DPP9: variants seen among roughly 807,000 people sequenced by gnomAD.
DPP9 encodes dipeptidyl peptidase IV-related protein-2.
A neutral mutation model predicts 110.7 loss-of-function variants in DPP9; 50 were observed. That is an observed-to-expected ratio of 0.45 (90% CI 0.36 to 0.57). DPP9 has a LOEUF of 0.57. Ranked by LOEUF, DPP9 falls within the 20% of genes least tolerant of loss-of-function variation. The pLI, the probability that DPP9 is intolerant of heterozygous loss-of-function variation, is 0.00. For missense variants in DPP9, 1,022 were observed against 1,217.9 expected (o/e 0.84, Z 2.39); for synonymous variants, 561 against 514.4 (o/e 1.09, Z -1.23).
In DPP9 at chr19:4,685,553, G is replaced by T; in HGVS notation, c.2031+73C>A. ...TCCTCTGGTTGACTGTTCTACAGCTGGCACTTGAGTGGGGATGGGGAGTCC... is the reference window on the plus strand; with the variant it reads ...TCCTCTGGTTGACTGTTCTACAGCTTGCACTTGAGTGGGGATGGGGAGTCC... On this transcript the variant is annotated intron_variant, in intron 17 of 21. Coordinates refer to ENST00000262960, the MANE Select transcript of DPP9 (RefSeq NM_139159.5). The surrounding 1 kb of genome is among the most constrained non-coding windows in gnomAD (Gnocchi z 5.8). 1 of 1,458,642 alleles carries T rather than the reference G, an allele frequency of 6.9e-7. No individual in the cohort carries two copies. Among genetic ancestry groups the T allele is most frequent in the Middle Eastern group, 1.7e-4 (1 of 5,824 alleles). The allele number at this position is 1,458,642 out of a possible 1,614,324, so 90.4% of individuals were successfully genotyped here.
Position 4,704,418 on chromosome 19 carries a change from G to A in DPP9, c.427-114C>T. On this transcript the variant is annotated intron_variant, in intron 5 of 21. Coordinates refer to ENST00000262960, the MANE Select transcript of DPP9 (RefSeq NM_139159.5). The surrounding 1 kb of genome is among the most constrained non-coding windows in gnomAD (Gnocchi z 6.0). ...CCCAGGGAATCTGACTTCGGGCCTC[G>A]CCAGAGAGAACTTCCTGTACTGGGC... is the stretch of plus-strand genomic sequence containing the variant. The A allele has an allele frequency of 2.3e-6, 3 of 1,303,156 alleles. No individual in the cohort carries two copies. Among genetic ancestry groups the A allele is most frequent in the Non-Finnish European group, 3.2e-6 (3 of 944,226 alleles). The allele number at this position is 1,303,156 out of a possible 1,614,324, so 80.7% of individuals were successfully genotyped here. A position where few individuals can be genotyped will look rare whatever the true frequency, so the allele number is the denominator to read the frequency against.
rs1197320651 is a variant in DPP9, at chr19:4,718,401, C to T, written c.56+1450G>A. On this transcript the variant is annotated intron_variant, in intron 3 of 21. Transcript: ENST00000262960. The surrounding 1 kb of genome is among the most constrained non-coding windows in gnomAD (Gnocchi z 4.3). The stretch of plus-strand genomic sequence containing the variant: ...AAGGCAGAAAGAAAGGTGGGAGCCC[C>T]TGGCTGGCGTGGGGCAAGGGGCGTA... 6.6e-6 allele frequency among the ~76,000 whole-genome samples: 1 copy of T among 152,194 alleles called. No homozygotes were observed. Among genetic ancestry groups the T allele is most frequent in the East Asian group, 1.9e-4 (1 of 5,194 alleles).
chr19:4,683,298 G>A, intron 19 of DPP9, 179 bp downstream of exon 19: 1 of 1,442,952 alleles, frequency 6.9e-7, no homozygotes, highest in Non-Finnish European at 9.1e-7. Context: ...CGGGCAATGA[G>A]GAGGGGGGCT....
Position 4,685,929 on chromosome 19 carries a change from T to G in DPP9, c.1886-158A>C. ...GATAATTGAAAAAAACGTTTTTTTTTCATTAAATAAGATTTGTACAGTTTT... is the reference window on the plus strand; with the variant it reads ...GATAATTGAAAAAAACGTTTTTTTTGCATTAAATAAGATTTGTACAGTTTT... On this transcript the variant is annotated intron_variant, in intron 16 of 21. Coordinates refer to ENST00000262960, the MANE Select transcript of DPP9 (RefSeq NM_139159.5). This position sits in a 1 kb window ranked among gnomAD's most constrained non-coding sequence, Gnocchi z 5.8. 1.3e-6 allele frequency: 1 copy of G among 793,932 alleles called. No homozygotes were observed. Among genetic ancestry groups the G allele is most frequent in the Non-Finnish European group, 1.9e-6 (1 of 519,558 alleles). The allele number at this position is 793,932 out of a possible 1,614,324, so 49.2% of individuals were successfully genotyped here. A position where few individuals can be genotyped will look rare whatever the true frequency, so the allele number is the denominator to read the frequency against.
chr19:4,688,946 C>T (rs2091053128), intron 15 of DPP9, 54 bp from the exon 16 acceptor site: 1 of 1,489,304 alleles, frequency 6.7e-7, no homozygotes. Context: ...GCCCTTTCCA[C>T]TGGGTGCCGA....
intron 20 of DPP9, among the ~76,000 whole-genome samples, chr19:4,680,530 G>A (rs1345405574): frequency 6.6e-6 from 1 of 151,936 alleles, no homozygotes; most frequent in Non-Finnish European, 1.5e-5. Flanking sequence ...TGGGCAACAT[G>A]GCAAAACCTC....
rs1166305416 is a variant in DPP9 at position 4,682,516 on chromosome 19, G to A, written c.2474+180C>T. 6.6e-6 allele frequency among the ~76,000 whole-genome samples: 1 copy of A among 152,176 alleles called. No individual in the cohort carries two copies. The highest frequency in any genetic ancestry group is 1.5e-5 in the Non-Finnish European group (1 of 68,014). ...CAGTGAGGAGGGAGGGTGGGCTGGA[G>A]GGGACTGTGAGGCACATGCAGGCAG... is the stretch of plus-strand genomic sequence containing the variant. On this transcript the variant is annotated intron_variant, in intron 20 of 21. Transcript: ENST00000262960. The surrounding 1 kb of genome is among the most constrained non-coding windows in gnomAD (Gnocchi z 7.1).
At chr19:4,691,291 T>C (rs1476519449) in intron 13 of DPP9, among the ~76,000 whole-genome samples, 2 of 151,416 alleles carry the variant, frequency 1.3e-5, no homozygotes, top group Admixed American at 1.3e-4. Flanking sequence ...CCGGGCAACA[T>C]AGGGAGACCC....
In DPP9 at chr19:4,684,829, A is replaced by G. The variant is rs373531086; in HGVS notation, c.2032-20T>C. The G allele has an allele frequency of 2.3e-5, 37 of 1,581,782 alleles. No individual in the cohort carries two copies. The highest frequency in any genetic ancestry group is 2.9e-5 in the Non-Finnish European group (34 of 1,164,916). ...CTGCACCTGTGGGGAGGTGAGGGCC[A>G]GCAGTCCAGCACGAGATGCCGGGCA... On this transcript the variant is annotated intron_variant, in intron 17 of 21. Transcript: ENST00000262960. The surrounding 1 kb of genome is among the most constrained non-coding windows in gnomAD (Gnocchi z 4.8).
Position 4,693,138 on chromosome 19 carries a change from C to T in DPP9, c.1516+1523G>A, listed in dbSNP as rs1461465296. On this transcript the variant is annotated intron_variant, in intron 13 of 21. Coordinates refer to ENST00000262960, the MANE Select transcript of DPP9 (RefSeq NM_139159.5). This position sits in a 1 kb window ranked among gnomAD's most constrained non-coding sequence, Gnocchi z 5.0. ...TGTGGTTGTCACAACTGGAGGTGCT[C>T]CTGGCATGGAGTGGGTGGAGGCCAG... 6.6e-6 allele frequency among the ~76,000 whole-genome samples: 1 copy of T among 152,148 alleles called. No individual in the cohort carries two copies. Among genetic ancestry groups the T allele is most frequent in the Non-Finnish European group, 1.5e-5 (1 of 67,998 alleles).
chr19:4,700,694 C>T lies in DPP9; in HGVS notation c.1013-417G>A, dbSNP rs2092188635. 6.6e-6 allele frequency among the ~76,000 whole-genome samples: 1 copy of T among 152,152 alleles called. No individual in the cohort carries two copies. The highest frequency in any genetic ancestry group is 2.1e-4 in the South Asian group (1 of 4,830). The stretch of plus-strand genomic sequence containing the variant: ...TGACAACGTGACAAGTGGGGTGTGT[C>T]CCATGCAAAACCAGGGAGCCCGTGT... On this transcript the variant is annotated intron_variant, in intron 9 of 21. Coordinates refer to ENST00000262960, the MANE Select transcript of DPP9 (RefSeq NM_139159.5). This position sits in a 1 kb window ranked among gnomAD's most constrained non-coding sequence, Gnocchi z 4.3.
chr19:4,719,845 C>T lies in DPP9; in HGVS notation c.56+6G>A. The T allele has an allele frequency of 6.4e-7, 1 of 1,551,798 alleles. No homozygotes were observed. The highest frequency in any genetic ancestry group is 1.4e-5 in the African/African-American group (1 of 73,192). ...CACGGATCAGGGCCTCCGAGGCCAA[C>T]CTCACCTTCTCCAACTTCCGGTGTT... is the stretch of plus-strand genomic sequence containing the variant. On this transcript the variant is annotated splice_donor_region_variant and intron_variant, in intron 3 of 21. Coordinates refer to ENST00000262960, the MANE Select transcript of DPP9 (RefSeq NM_139159.5).
intron 2 of DPP9, among the ~76,000 whole-genome samples, chr19:4,721,293 T>A (rs1307212149): frequency 3.9e-5 from 6 of 152,338 alleles, no homozygotes; most frequent in African/African-American, 1.2e-4. Flanking sequence ...GCAGGCCACA[T>A]CTATCCTGGT....
chr19:4,681,297 G>T (rs1461621646), intron 20 of DPP9, among the ~76,000 whole-genome samples: 1 of 152,122 alleles, frequency 6.6e-6, no homozygotes, highest in East Asian at 1.9e-4. Context: ...TGACTGTTAG[G>T]TTCTGTGAAT....
chr19:4,691,717 G>A (rs915990041), intron 13 of DPP9, among the ~76,000 whole-genome samples: 5 of 134,746 alleles, frequency 3.7e-5, no homozygotes, highest in East Asian at 2.2e-4. Context: ...TGCTCTTGTC[G>A]CCCAGGCTGG....
chr19:4,701,105 G>A (rs867799696), intron 9 of DPP9, among the ~76,000 whole-genome samples: 8 of 152,140 alleles, frequency 5.3e-5, no homozygotes, highest in Non-Finnish European at 7.3e-5. Flanking sequence ...AGGCCTGAAC[G>A]CGGAATCTGG....
At chr19:4,677,080 T>A (rs989673089) in intron 21 of DPP9, among the ~76,000 whole-genome samples, 1 of 152,160 alleles carries the variant, frequency 6.6e-6, no homozygotes. Flanking sequence ...GGCATGTGAC[T>A]AGCTCTGGGC....
rs765536850 is a variant in DPP9 at position 4,704,205 on chromosome 19, C to T, written c.526G>A (p.Glu176Lys). The change falls in exon 6 of 22, where the codon GAG (glutamate) becomes AAG (lysine). Residue 176 changes from glutamate to lysine, a missense_variant. Coordinates refer to ENST00000262960, the MANE Select transcript of DPP9 (RefSeq NM_139159.5). The surrounding 1 kb of genome is among the most constrained non-coding windows in gnomAD (Gnocchi z 6.0). ...GCCTGGAAGAGGAAGAGGCCACTCT[C>T]GCTGTGGAAGTCGTAGGAGGTGATG... ...FGITSYDFHSESGLFLFQASN... is the reference protein window; with the variant it reads ...FGITSYDFHSKSGLFLFQASN... 16 of 1,613,884 alleles carry T rather than the reference C, an allele frequency of 9.9e-6. No individual in the cohort carries two copies. The highest frequency in any genetic ancestry group is 2.2e-5 in the East Asian group (1 of 44,898).
intron 3 of DPP9, chr19:4,717,660 A>T (rs12610495): frequency 6.6e-6 from 1 of 152,134 alleles, no homozygotes; most frequent in African/African-American, 2.4e-5. Context: ...TCGATCCCGG[A>T]GATGAGAAAT....
Sources: gnomAD v4.1 joint callset for allele counts (sites outside exome capture counted in the v4.1 genomes callset) on GRCh38, gnomAD v4.1.1 for gene constraint, Gnocchi (gnomAD v3.1) non-coding constraint, MANE v1.5 for transcripts, NCBI Gene and HGNC (gene_info 2026-07-23, HGNC 2026-07-21) for gene names.